Variants in TMEM130 observed in about 807,000 individuals in gnomAD.
TMEM130 encodes the protein transmembrane protein 130.
Under a neutral mutation model 42.9 loss-of-function variants are expected in TMEM130, and 37 were observed. The ratio of observed to expected loss-of-function variants is 0.86; its 90% CI spans 0.66 to 1.13. The LOEUF is 1.13. Among genes scored for constraint, TMEM130 ranks in the 50% most tolerant of loss-of-function variants. TMEM130 has a pLI of 0.00. For missense variants in TMEM130, 545 were observed against 562.6 expected, an observed-to-expected ratio of 0.97 and a Z score of 0.32; for synonymous variants, 259 against 237.7, an observed-to-expected ratio of 1.09 and a Z score of -0.82.
rs1554399629 is a variant in TMEM130 at position 98,860,340 on chromosome 7, T to C, written c.392-2A>G. 3 of 1,584,020 alleles carry C rather than the reference T, an allele frequency of 1.9e-6. No individual in the cohort carries two copies. Among genetic ancestry groups the C allele is most frequent in the Admixed American group, 1.7e-5 (1 of 57,302 alleles). On this transcript the variant is annotated splice_acceptor_variant, in intron 2 of 7. Coordinates refer to ENST00000339375, the MANE Select transcript of TMEM130 (RefSeq NM_152913.3). LOFTEE classifies it high-confidence loss of function. ...CAACAAGGTCCCCCACGAGGAACTC[T>C]GGGAGAGAGAGAGACACGGGAGGGT...
intron 2 of TMEM130, among the ~76,000 whole-genome samples, chr7:98,862,377 G>A (rs1199383758): frequency 4.7e-5 from 7 of 150,378 alleles, no homozygotes; most frequent in African/African-American, 1.7e-4. Flanking sequence ...GAGACAGAAA[G>A]AGACAGACAG....
intron 5 of TMEM130, among the ~76,000 whole-genome samples, chr7:98,853,309 T>C (rs1171772450): frequency 6.6e-6 from 1 of 152,168 alleles, no homozygotes; most frequent in Non-Finnish European, 1.5e-5. Flanking sequence ...ATCCCTCTCA[T>C]GTGTCTCTGT....
At chr7:98,865,103 G>C (rs1183166311) in intron 1 of TMEM130, among the ~76,000 whole-genome samples, 2 of 152,250 alleles carry the variant, frequency 1.3e-5, no homozygotes, top group Non-Finnish European at 2.9e-5. Flanking sequence ...GCACATAGCA[G>C]GTGTTTGGTA....
chr7:98,859,556 AAGGAGACAGGGTGAGC>A (rs1562909399), intron 3 of TMEM130, among the ~76,000 whole-genome samples: 2 of 152,074 alleles, frequency 1.3e-5, no homozygotes, highest in South Asian at 4.1e-4. Flanking sequence ...GGATGTTTGA[AAGGAGACAGGGTGAGC>A]AGGGAAAGGA....
chr7:98,848,545 G>A, intron 7 of TMEM130, 38 bp downstream of exon 7: 1 of 1,392,496 alleles, frequency 7.2e-7, no homozygotes, highest in South Asian at 1.2e-5. Flanking sequence ...CTCTAGGCAA[G>A]GCCCAGTAGT....
chr7:98,864,270 A>T (rs2116129545), intron 1 of TMEM130, among the ~76,000 whole-genome samples: 1 of 151,978 alleles, frequency 6.6e-6, no homozygotes, highest in East Asian at 1.9e-4. Context: ...TAGTGGCATG[A>T]TCATAGCTCA....
At position 98,855,316 on chromosome 7, in the gene TMEM130, G is replaced by C. The variant is rs17161483; in HGVS notation, c.727C>G (p.Arg243Gly). ...GTGGGCCCCAACACTTGGATGCCTCGAAGGGTTTCTGTAAGGCAGAGAGAA... is the reference window on the plus strand; with the variant it reads ...GTGGGCCCCAACACTTGGATGCCTCCAAGGGTTTCTGTAAGGCAGAGAGAA... Reference protein sequence around the residue: ...SASLKLQETLRGIQVLGPTLI... With the variant: ...SASLKLQETLGGIQVLGPTLI... The change falls in exon 5 of 8, where the codon CGA (arginine) becomes GGA (glycine). Residue 243 changes from arginine to glycine, a missense_variant. Transcript: ENST00000339375. The C allele has an allele frequency of 3.1e-6, 5 of 1,612,438 alleles. No homozygotes were observed. In the African/African-American group the frequency reaches 6.7e-5, roughly 22 times the overall value.
intron 4 of TMEM130, 50 bp downstream of exon 4, chr7:98,855,967 T>C (rs1554398908): frequency 6.3e-7 from 1 of 1,593,078 alleles, no homozygotes; most frequent in East Asian, 2.2e-5. Flanking sequence ...GTGCGTACGG[T>C]GACCCCACTC....
Position 98,869,229 on chromosome 7 carries a change from C to G in TMEM130, c.85+548G>C. 7.8e-7 allele frequency: 1 copy of G among 1,288,962 alleles called. No individual in the cohort carries two copies. The highest frequency in any genetic ancestry group is 1.0e-6 in the Non-Finnish European group (1 of 988,688). The allele number at this position is 1,288,962 out of a possible 1,614,324, so 79.8% of individuals were successfully genotyped here. The stretch of plus-strand genomic sequence containing the variant: ...CCCCAGGAACCTGTCAGCTCCGGGT[C>G]CATTTTGGAAATCACCACCAGAGAG... On this transcript the variant is annotated intron_variant, in intron 1 of 7. Transcript: ENST00000339375. The surrounding 1 kb of genome is among the most constrained non-coding windows in gnomAD (Gnocchi z 4.7).
intron 6 of TMEM130, among the ~76,000 whole-genome samples, chr7:98,850,889 G>A (rs1794484474): frequency 2.0e-5 from 3 of 152,146 alleles, no homozygotes; most frequent in Admixed American, 1.3e-4. Context: ...TGTTTGTGCT[G>A]GGGACGTGTG....
chr7:98,869,330 C>G lies in TMEM130; in HGVS notation c.85+447G>C. On this transcript the variant is annotated intron_variant, in intron 1 of 7. Transcript: ENST00000339375. This position sits in a 1 kb window ranked among gnomAD's most constrained non-coding sequence, Gnocchi z 4.7. ...AGCACCAACACGGTGGGAAACCCCT[C>G]TAGATGAGGCGACATTTTAAGGCAA... 1.6e-6 allele frequency: 2 copies of G among 1,257,058 alleles called. No individual in the cohort carries two copies. Among genetic ancestry groups the G allele is most frequent in the East Asian group, 5.9e-5 (1 of 17,084 alleles). The allele number at this position is 1,257,058 out of a possible 1,614,324, so 77.9% of individuals were successfully genotyped here. A position where few individuals can be genotyped will look rare whatever the true frequency, so the allele number is the denominator to read the frequency against.
chr7:98,854,318 G>A (rs1022523586), intron 5 of TMEM130, among the ~76,000 whole-genome samples: 21 of 152,154 alleles, frequency 1.4e-4, no homozygotes, highest in African/African-American at 4.8e-4. Flanking sequence ...AAGATCTGGG[G>A]GCTGGAAAAT....
chr7:98,860,187 G>A lies in TMEM130; in HGVS notation c.543C>T (p.Phe181=), dbSNP rs1554399557. 28 of 1,612,682 alleles carry A rather than the reference G, an allele frequency of 1.7e-5. No homozygotes were observed. The East Asian group carries it at 4.5e-4, about 26-fold the overall frequency. The change falls in exon 3 of 8, where the codon TTC becomes TTT. Residue 181 remains phenylalanine, a synonymous_variant. Coordinates refer to ENST00000339375, the MANE Select transcript of TMEM130 (RefSeq NM_152913.3). ...KTALFLYSWD[F]GDGTQMVTED... is the part of the protein sequence containing the mutation. ...GAGGGGTAAGGACCTACCCGTCCCC[G>A]AAGTCCCAGCTGTAGAGAAACAAGG...
chr7:98,848,064 T>C lies in TMEM130; in HGVS notation c.1264A>G (p.Thr422Ala). Residue 422 changes from threonine (T) to alanine (A), a missense_variant, in exon 8 of 8, where the codon ACC becomes GCC. By Grantham distance (58) the Thr-to-Ala change is moderately conservative (BLOSUM62 0). Transcript: ENST00000339375. Reference sequence around the variant, plus strand: ...GTGGGGAGGGGGAGTGCTCACACGGTGTAAGTTTTGACAGACTTATAGAGG... The same window carrying C: ...GTGGGGAGGGGGAGTGCTCACACGGCGTAAGTTTTGACAGACTTATAGAGG... ...PPLYKSVKTY[T>A]V 6.2e-7 allele frequency: 1 copy of C among 1,613,588 alleles called. No individual in the cohort carries two copies. Among genetic ancestry groups the C allele is most frequent in the Middle Eastern group, 1.7e-4 (1 of 6,012 alleles).
intron 1 of TMEM130, among the ~76,000 whole-genome samples, chr7:98,868,512 G>C (rs1794959723): frequency 1.3e-5 from 2 of 152,164 alleles, no homozygotes; most frequent in Non-Finnish European, 1.5e-5. Context: ...CACTTCCAAA[G>C]AGTACCTCTA....
At position 98,869,985 on chromosome 7, in the gene TMEM130, T is replaced by C. The variant is rs1363456020; in HGVS notation, c.-124A>G. The C allele has an allele frequency of 7.1e-6, 4 of 560,518 alleles. No homozygotes were observed. Among genetic ancestry groups the C allele is most frequent in the Non-Finnish European group, 1.1e-5 (4 of 380,676 alleles). 34.7% of individuals were successfully genotyped at this position (560,518 alleles called of 1,614,324 possible). A position where few individuals can be genotyped will look rare whatever the true frequency, so the allele number is the denominator to read the frequency against. On this transcript the variant is annotated 5_prime_UTR_variant, in exon 1 of 8. Transcript: ENST00000339375. The surrounding 1 kb of genome is among the most constrained non-coding windows in gnomAD (Gnocchi z 4.7). ...GCGGTGCGGGGAGGTGCGGGCGCCG[T>C]GCTCGCTCGTCCTCGCCGGGGGACG...
Position 98,869,840 on chromosome 7 carries a change from G to A in TMEM130, c.22C>T (p.Arg8Cys), listed in dbSNP as rs1554401114. The change falls in exon 1 of 8, where the codon CGC becomes TGC. Residue 8 changes from arginine to cysteine, a missense_variant. Arg to Cys is a radical substitution (Grantham distance 180). Transcript: ENST00000339375. This position sits in a 1 kb window ranked among gnomAD's most constrained non-coding sequence, Gnocchi z 4.7. MAQAVWS[R>C]LGRILWLACL... ...GCAAGCCAGAGGATGCGGCCGAGGC[G>A]CGACCACACTGCCTGGGCCATTGCG... is the stretch of plus-strand genomic sequence containing the variant. The A allele has an allele frequency of 2.1e-6, 3 of 1,444,476 alleles. No individual in the cohort carries two copies. Among genetic ancestry groups the A allele is most frequent in the Admixed American group, 2.6e-5 (1 of 38,942 alleles). The allele number at this position is 1,444,476 out of a possible 1,614,324, so 89.5% of individuals were successfully genotyped here.
chr7:98,856,280 G>A (rs1425902351), intron 3 of TMEM130, 97 bp from the exon 4 acceptor site: 12 of 1,276,136 alleles, frequency 9.4e-6, no homozygotes, highest in East Asian at 2.3e-5. Context: ...CCAGAGTCAG[G>A]GGAGGCTGTA....
At chr7:98,852,676 C>T (rs1025324265) in intron 5 of TMEM130, among the ~76,000 whole-genome samples, 1 of 151,968 alleles carries the variant, frequency 6.6e-6, no homozygotes, top group Admixed American at 6.6e-5. Flanking sequence ...CTCACTGCAA[C>T]CTTTGCCTCC....
Sources: allele counts gnomAD v4.1 joint callset (sites outside exome capture counted in the v4.1 genomes callset), GRCh38; gene constraint gnomAD v4.1.1; non-coding constraint Gnocchi (gnomAD v3.1); transcripts MANE v1.5; gene names NCBI Gene and HGNC (gene_info 2026-07-23, HGNC 2026-07-21).